VEPH1: variants seen among roughly 807,000 people sequenced by gnomAD.
VEPH1 encodes ventricular zone expressed PH domain containing 1, also known as ventricular zone-expressed PH domain-containing protein homolog 1.
A neutral mutation model predicts 85.2 loss-of-function variants in VEPH1; 80 were observed. The ratio of observed to expected loss-of-function variants is 0.94; its 90% CI spans 0.78 to 1.13. VEPH1 has a LOEUF of 1.13. VEPH1 is among the 50% of genes most tolerant of loss of function. VEPH1 has a pLI of 0.00. For missense variants in VEPH1, 955 were observed against 980.5 expected (o/e 0.97, Z 0.35); for synonymous variants, 297 against 348.0 (o/e 0.85, Z 1.63).
In VEPH1 at chr3:157,480,704, ACCAC is replaced by A. The variant is rs1227290606; in HGVS notation, c.139-10179_139-10176del. ...TTCTTTATCCATTCCAGTGTTAATG[ACCAC>A]CTAGGTTGATTCCATGTCTTTGCTA... On this transcript the variant is annotated intron_variant, in intron 2 of 13. Transcript: ENST00000362010. 5.3e-5 allele frequency among the ~76,000 whole-genome samples: 8 copies of A among 152,204 alleles called. No individual in the cohort carries two copies. In the East Asian group the frequency reaches 1.5e-3, roughly 29 times the overall value.
chr3:157,266,463 A>G (rs1713660724), intron 12 of VEPH1, among the ~76,000 whole-genome samples: 1 of 152,082 alleles, frequency 6.6e-6, no homozygotes, highest in Non-Finnish European at 1.5e-5. Context: ...CTTATATATC[A>G]GGGATTATCA....
At chr3:157,308,283 T>C (rs1480685155) in intron 11 of VEPH1, among the ~76,000 whole-genome samples, 1 of 151,992 alleles carries the variant, frequency 6.6e-6, no homozygotes, top group Non-Finnish European at 1.5e-5. Context: ...ACAGGTATCC[T>C]TGTTTAATTT....
chr3:157,499,871 T>C (rs1739965379), intron 1 of VEPH1, among the ~76,000 whole-genome samples: 1 of 152,110 alleles, frequency 6.6e-6, no homozygotes, highest in Non-Finnish European at 1.5e-5. Context: ...AGAAGAGAAC[T>C]GCAGCTTCAT....
At chr3:157,418,453 G>A (rs1040193615) in intron 5 of VEPH1, among the ~76,000 whole-genome samples, 1 of 152,034 alleles carries the variant, frequency 6.6e-6, no homozygotes, top group Non-Finnish European at 1.5e-5. Flanking sequence ...CAATTCCTCT[G>A]TAAAGAATAA....
chr3:157,283,137 G>A (rs1311577572), intron 12 of VEPH1, among the ~76,000 whole-genome samples: 4 of 152,120 alleles, frequency 2.6e-5, no homozygotes, highest in South Asian at 2.1e-4. Flanking sequence ...CTTGTCTCTG[G>A]GTCTTTATAA....
intron 3 of VEPH1, among the ~76,000 whole-genome samples, chr3:157,466,911 T>C (rs1242206243): frequency 6.6e-6 from 1 of 152,256 alleles, no homozygotes; most frequent in Middle Eastern, 3.2e-3. Flanking sequence ...CGATTTTGTA[T>C]TGAGTTTCCT....
chr3:157,277,822 G>A (rs949823001), intron 12 of VEPH1, among the ~76,000 whole-genome samples: 1 of 152,164 alleles, frequency 6.6e-6, no homozygotes, highest in Non-Finnish European at 1.5e-5. Context: ...TATTTAAGAA[G>A]AGACTGCTTA....
intron 6 of VEPH1, among the ~76,000 whole-genome samples, chr3:157,401,404 C>T (rs1730780963): frequency 6.6e-6 from 1 of 152,118 alleles, no homozygotes; most frequent in African/African-American, 2.4e-5. Context: ...TTACTCATTA[C>T]ATGACATAAT....
chr3:157,340,978 G>A (rs1723488813), intron 9 of VEPH1, among the ~76,000 whole-genome samples: 1 of 152,276 alleles, frequency 6.6e-6, no homozygotes, highest in Admixed American at 6.5e-5. Context: ...CTGTTAGAAG[G>A]AAAACTAACA....
rs1404423205 is a variant in VEPH1 at position 157,413,950 on chromosome 3, A to G, written c.837T>C (p.Ile279=). The G allele has an allele frequency of 6.2e-7, 1 of 1,613,586 alleles. No homozygotes were observed. Among genetic ancestry groups the G allele is most frequent in the South Asian group, 1.1e-5 (1 of 91,056 alleles). Residue 279 remains isoleucine, a synonymous_variant, in exon 6 of 14, where the codon ATT becomes ATC. Transcript: ENST00000362010. ...CAGTGAGGTAGGGGAATCTCTCACCAATCTCTTTCAGCATTGGAAGAAAAC... is the reference window on the plus strand; with the variant it reads ...CAGTGAGGTAGGGGAATCTCTCACCGATCTCTTTCAGCATTGGAAGAAAAC... ...LNSFLPMLKE[I]GERFPYLTGQ... is the part of the protein sequence containing the mutation.
chr3:157,450,705 T>A (rs1315105933), intron 4 of VEPH1, among the ~76,000 whole-genome samples: 1 of 152,110 alleles, frequency 6.6e-6, no homozygotes, highest in African/African-American at 2.4e-5. Context: ...CTGAATTTTA[T>A]GAGATACTTT....
chr3:157,472,203 A>G (rs1560091625), intron 2 of VEPH1, among the ~76,000 whole-genome samples: 1 of 152,222 alleles, frequency 6.6e-6, no homozygotes, highest in Non-Finnish European at 1.5e-5. Flanking sequence ...AAATTTGAAT[A>G]AAAATCATCT....
chr3:157,321,121 T>C (rs1385510715), intron 9 of VEPH1, among the ~76,000 whole-genome samples: 2 of 152,184 alleles, frequency 1.3e-5, no homozygotes, highest in African/African-American at 4.8e-5. Context: ...AGAATTGGCT[T>C]TATGTTTTGG....
chr3:157,343,858 C>T (rs1259021453), intron 9 of VEPH1, among the ~76,000 whole-genome samples: 2 of 152,134 alleles, frequency 1.3e-5, no homozygotes, highest in Non-Finnish European at 2.9e-5. Flanking sequence ...CCCTGGGATG[C>T]AAGGCTGATT....
At chr3:157,438,858 G>T (rs1334349601) in intron 4 of VEPH1, among the ~76,000 whole-genome samples, 1 of 152,178 alleles carries the variant, frequency 6.6e-6, no homozygotes, top group Non-Finnish European at 1.5e-5. Flanking sequence ...ATTTTGGATT[G>T]TATTAGAAAA....
At chr3:157,304,080 T>C (rs1430676658) in intron 11 of VEPH1, among the ~76,000 whole-genome samples, 1 of 133,592 alleles carries the variant, frequency 7.5e-6, no homozygotes, top group Non-Finnish European at 1.7e-5. Flanking sequence ...GGCCTACCTT[T>C]TATTTACTTA....
At chr3:157,498,334 GT>G (rs1739839552) in intron 1 of VEPH1, among the ~76,000 whole-genome samples, 1 of 152,182 alleles carries the variant, frequency 6.6e-6, no homozygotes, top group African/African-American at 2.4e-5. Context: ...TCATCAGGGT[GT>G]TTTGAGGGTC....
intron 11 of VEPH1, among the ~76,000 whole-genome samples, chr3:157,300,153 G>C (rs997889837): frequency 2.6e-5 from 4 of 151,954 alleles, no homozygotes; most frequent in African/African-American, 9.7e-5. Context: ...CCTGGTGTTT[G>C]TTGGCATTCA....
intron 4 of VEPH1, among the ~76,000 whole-genome samples, chr3:157,430,955 C>A (rs1228869641): frequency 1.3e-5 from 2 of 152,160 alleles, no homozygotes; most frequent in African/African-American, 4.8e-5. Context: ...CCTGGATGCT[C>A]TAGGAGAGAA....
Sources: allele counts gnomAD v4.1 joint callset (sites outside exome capture counted in the v4.1 genomes callset), GRCh38; gene constraint gnomAD v4.1.1; transcripts MANE v1.5; gene names NCBI Gene and HGNC (gene_info 2026-07-23, HGNC 2026-07-21).